The following PPP5C variants were observed in gnomAD, a reference collection of about 807,000 sequenced individuals.
PPP5C encodes protein phosphatase 5 catalytic subunit, also known as serine/threonine-protein phosphatase 5.
Under a neutral mutation model 66.7 loss-of-function variants are expected in PPP5C, and 21 were observed. That is an observed-to-expected ratio of 0.31 (90% CI 0.22 to 0.45). PPP5C has a LOEUF of 0.45. Among genes scored for constraint, PPP5C ranks in the 20% least tolerant of loss-of-function variants. The probability of loss-of-function intolerance (pLI) is 1.00; values close to 1 mark genes in which losing one functional copy is unlikely to be tolerated. For missense variants in PPP5C, 464 were observed against 675.9 expected, an observed-to-expected ratio of 0.69 and a Z score of 3.48; for synonymous variants, 246 against 257.4, an observed-to-expected ratio of 0.96 and a Z score of 0.43.
chr19:46,362,990 T>C (rs1972418598), intron 2 of PPP5C, among the ~76,000 whole-genome samples: 1 of 149,134 alleles, frequency 6.7e-6, no homozygotes, highest in African/African-American at 2.5e-5. Context: ...GGTTTCACCG[T>C]GTTAGCCAGG....
Position 46,388,532 on chromosome 19 carries a change from C to G in PPP5C, c.1177-21C>G, listed in dbSNP as rs764468977. 4 of 1,612,582 alleles carry G rather than the reference C, an allele frequency of 2.5e-6. No individual in the cohort carries two copies. The South Asian group carries it at 4.4e-5, about 18-fold the overall frequency. ...AGACAGTCACCCTGAACCCCTGTCTCTCCCTTCTGCCCACCCTCAGAACGG... is the reference window on the plus strand; with the variant it reads ...AGACAGTCACCCTGAACCCCTGTCTGTCCCTTCTGCCCACCCTCAGAACGG... On this transcript the variant is annotated intron_variant, in intron 10 of 12. Coordinates refer to ENST00000012443, the MANE Select transcript of PPP5C (RefSeq NM_006247.4). The surrounding 1 kb of genome is among the most constrained non-coding windows in gnomAD (Gnocchi z 4.9).
At chr19:46,365,702 C>T (rs1337970109) in intron 2 of PPP5C, among the ~76,000 whole-genome samples, 6 of 152,112 alleles carry the variant, frequency 3.9e-5, no homozygotes, top group African/African-American at 1.4e-4. Flanking sequence ...CATGGAAAAA[C>T]ATCCCCATAC....
intron 2 of PPP5C, among the ~76,000 whole-genome samples, chr19:46,360,398 T>C (rs1972363013): frequency 6.6e-6 from 1 of 152,216 alleles, no homozygotes; most frequent in African/African-American, 2.4e-5. Flanking sequence ...TATGTCTCTC[T>C]TGGTCTTCCG....
At position 46,383,293 on chromosome 19, in the gene PPP5C, C is replaced by G. The variant is rs1293974544; in HGVS notation, c.634-118C>G. ...AGGCCTGCCCTGCCCTTTTTCTTCT[C>G]TCCCTGCTTCTCCCTCGCCCTCAGC... On this transcript the variant is annotated intron_variant, in intron 4 of 12. Coordinates refer to ENST00000012443, the MANE Select transcript of PPP5C (RefSeq NM_006247.4). The surrounding 1 kb of genome is among the most constrained non-coding windows in gnomAD (Gnocchi z 5.0). 6.4e-7 allele frequency: 1 copy of G among 1,550,956 alleles called. No individual in the cohort carries two copies. Among genetic ancestry groups the G allele is most frequent in the Non-Finnish European group, 8.7e-7 (1 of 1,147,136 alleles).
At chr19:46,369,818 C>T (rs1388919561) in intron 2 of PPP5C, among the ~76,000 whole-genome samples, 7 of 148,608 alleles carry the variant, frequency 4.7e-5, no homozygotes, top group Admixed American at 2.7e-4. Context: ...CCCAGCTACT[C>T]GGGAGGCTGA....
intron 2 of PPP5C, among the ~76,000 whole-genome samples, chr19:46,370,411 C>T (rs918328148): frequency 6.6e-6 from 1 of 152,208 alleles, no homozygotes; most frequent in African/African-American, 2.4e-5. Context: ...CTCCCACCTC[C>T]ACACCGTGTC....
chr19:46,387,920 T>C (rs2147406311), intron 9 of PPP5C: 1 of 340,262 alleles, frequency 2.9e-6, no homozygotes, highest in South Asian at 3.0e-5. Flanking sequence ...AGCAGAGGCA[T>C]CTGCCGTGCA....
chr19:46,387,322 G>A (rs773249554), intron 8 of PPP5C, 44 bp from the exon 9 acceptor site: 4 of 1,609,412 alleles, frequency 2.5e-6, no homozygotes, highest in Non-Finnish European at 3.4e-6. Context: ...GGGCCTGTGG[G>A]TGGGTGGCAC....
chr19:46,389,367 ACACAC>A (rs1972957474), intron 11 of PPP5C, among the ~76,000 whole-genome samples: 1 of 2,178 alleles, frequency 4.6e-4, no homozygotes, highest in African/African-American at 6.7e-4. Context: ...CTCAAAACAC[ACACAC>A]ACACACACAC....
Position 46,390,427 on chromosome 19 carries a change from C to A in PPP5C, c.*81C>A. The stretch of plus-strand genomic sequence containing the variant: ...GCCCTGGGCTAGGGGCAGAGCAGGC[C>A]CCGCCCCAGGGCAATGTTGGACCCC... On this transcript the variant is annotated 3_prime_UTR_variant, in exon 13 of 13. Transcript: ENST00000012443. 1 of 1,543,416 alleles carries A rather than the reference C, an allele frequency of 6.5e-7. No homozygotes were observed. The highest frequency in any genetic ancestry group is 1.2e-5 in the South Asian group (1 of 83,794).
intron 1 of PPP5C, among the ~76,000 whole-genome samples, chr19:46,351,349 G>A (rs1972180331): frequency 6.6e-6 from 1 of 152,138 alleles, no homozygotes; most frequent in Admixed American, 6.5e-5. Context: ...TCGACCCGTG[G>A]AGTACAGGCT....
rs2147390881 is a variant in PPP5C at position 46,376,865 on chromosome 19, C to CT, written c.633+294dup. ...GGTGAGGAAGCAGTAGAGTCTGTTG[C>CT]TTTGAGTTCTCATCCCAGGCTCTTG... On this transcript the variant is annotated intron_variant, in intron 4 of 12. Coordinates refer to ENST00000012443, the MANE Select transcript of PPP5C (RefSeq NM_006247.4). The surrounding 1 kb of genome is among the most constrained non-coding windows in gnomAD (Gnocchi z 5.1). 6.6e-6 allele frequency among the ~76,000 whole-genome samples: 1 copy of CT among 152,276 alleles called. No individual in the cohort carries two copies. Among genetic ancestry groups the CT allele is most frequent in the African/African-American group, 2.4e-5 (1 of 41,564 alleles).
chr19:46,375,776 G>A (rs1568573183), intron 3 of PPP5C, 25 bp downstream of exon 3: 12 of 1,564,692 alleles, frequency 7.7e-6, no homozygotes, highest in Admixed American at 1.9e-5. Context: ...GATGCTCCAC[G>A]CTCCAGCCCA....
chr19:46,357,413 G>C (rs1354018091), intron 2 of PPP5C, among the ~76,000 whole-genome samples: 1 of 152,202 alleles, frequency 6.6e-6, no homozygotes, highest in Non-Finnish European at 1.5e-5. Flanking sequence ...CACTGGTCAC[G>C]AAAGGGAGTG....
At chr19:46,360,954 A>G (rs888572534) in intron 2 of PPP5C, among the ~76,000 whole-genome samples, 2 of 152,164 alleles carry the variant, frequency 1.3e-5, no homozygotes, top group African/African-American at 4.8e-5. Flanking sequence ...TTTGGTAGAG[A>G]GGAGACTCAG....
chr19:46,388,691 G>C lies in PPP5C; in HGVS notation c.1315G>C (p.Gly439Arg). Residue 439 changes from glycine to arginine, a missense_variant, in exon 11 of 13, where the codon GGA becomes CGA. By Grantham distance (125) the Gly-to-Arg change is moderately radical. Around this residue, in one of 2 missense-constraint regions of PPP5C, gnomAD observed 387 missense variants for 626.0 expected, o/e 0.62. Transcript: ENST00000012443. The surrounding 1 kb of genome is among the most constrained non-coding windows in gnomAD (Gnocchi z 4.9). ...GGCCGAGGGCTACGAGGTGGCTCAC[G>C]GAGGCCGCTGTGTCACCGTCTTCTC... Reference protein sequence around the residue: ...VKAEGYEVAHGGRCVTVFSAP... With the variant: ...VKAEGYEVAHRGRCVTVFSAP... 6.2e-7 allele frequency: 1 copy of C among 1,614,178 alleles called. No individual in the cohort carries two copies. Among genetic ancestry groups the C allele is most frequent in the Non-Finnish European group, 8.5e-7 (1 of 1,180,020 alleles).
intron 2 of PPP5C, among the ~76,000 whole-genome samples, chr19:46,361,151 A>C (rs1972380348): frequency 2.7e-5 from 1 of 36,792 alleles, no homozygotes. Context: ...TTTTTTTGAG[A>C]CGGAGTCTCA....
chr19:46,371,669 A>T (rs967868423), intron 2 of PPP5C, among the ~76,000 whole-genome samples: 1 of 152,142 alleles, frequency 6.6e-6, no homozygotes, highest in African/African-American at 2.4e-5. Context: ...GACTTATTAT[A>T]CAGAGAATGC....
intron 1 of PPP5C, 68 bp downstream of exon 1, chr19:46,347,285 A>T: frequency 6.6e-7 from 1 of 1,507,892 alleles, no homozygotes; most frequent in East Asian, 2.5e-5. Flanking sequence ...GCGCGGAACC[A>T]TAGCAACGCG....
Sources: gnomAD v4.1 joint callset for allele counts (sites outside exome capture counted in the v4.1 genomes callset) on GRCh38, gnomAD v4.1.1 for gene constraint, gnomAD v4.1.1 regional missense constraint, Gnocchi (gnomAD v3.1) non-coding constraint, MANE v1.5 for transcripts, NCBI Gene and HGNC (gene_info 2026-07-23, HGNC 2026-07-21) for gene names.